Variants in GTF2H3 observed in about 807,000 individuals in gnomAD.
The protein encoded by GTF2H3 is TFIIH basal transcription factor complex p34 subunit.
Under a neutral mutation model 51.1 loss-of-function variants are expected in GTF2H3, and 42 were observed. That is an observed-to-expected ratio of 0.82 (90% CI 0.64 to 1.06). The LOEUF is 1.06. Among genes scored for constraint, GTF2H3 ranks in the 50% least tolerant of loss-of-function variants. The probability of loss-of-function intolerance (pLI) is 0.00; values close to 1 mark genes in which losing one functional copy is unlikely to be tolerated. For synonymous variants in GTF2H3, 123 were observed against 123.8 expected (o/e 0.99, Z 0.04); for missense variants, 326 against 366.1 (o/e 0.89, Z 0.89).
chr12:123,639,998 A>G (rs1313384580), intron 2 of GTF2H3: 2 of 455,704 alleles, frequency 4.4e-6, no homozygotes, highest in Non-Finnish European at 8.8e-6. Context: ...ACTTGGGACT[A>G]CAGGTGCGTA....
chr12:123,658,409 G>C (rs987589506), intron 9 of GTF2H3, among the ~76,000 whole-genome samples: 2 of 152,070 alleles, frequency 1.3e-5, no homozygotes, highest in African/African-American at 4.8e-5. Context: ...GTAGAGACAG[G>C]GTTTTATACT....
In GTF2H3 at chr12:123,656,718, A is replaced by G. The variant is rs567642200; in HGVS notation, c.615+894A>G. On this transcript the variant is annotated intron_variant, in intron 9 of 12. Transcript: ENST00000543341. Reference sequence around the variant, plus strand: ...GTGCAGTTCACTCAGCAACTCAAGCAAAAACCTGACTCTTCCTTGTCTCTT... The same window carrying G: ...GTGCAGTTCACTCAGCAACTCAAGCGAAAACCTGACTCTTCCTTGTCTCTT... Among the ~76,000 whole-genome samples the G allele has an allele frequency of 3.3e-5, 5 of 152,320 alleles. No individual in the cohort carries two copies. The South Asian group carries it at 1.0e-3, about 32-fold the overall frequency.
intron 1 of GTF2H3, among the ~76,000 whole-genome samples, chr12:123,635,342 G>A (rs11572918): frequency 0.024 from 3,580 of 152,218 alleles, 144 homozygotes; most frequent in African/African-American, 0.083. Context: ...AGGCCAAGGT[G>A]GGTGGATCAC....
At position 123,659,518 on chromosome 12, in the gene GTF2H3, T is replaced by C. The variant is rs1257380434; in HGVS notation, c.618T>C (p.Ala206=). The change falls in exon 10 of 13, where the codon GCT becomes GCC. Residue 206 remains alanine (A), a splice_region_variant and synonymous_variant. Transcript: ENST00000543341. ...LDSDSGLLQQ[A]CDITGGLYLK... ...AGCAAGCCGCCTGTGTCTTGCAGGC[T>C]TGTGACATCACGGGAGGACTGTACC... 1 of 1,614,062 alleles carries C rather than the reference T, an allele frequency of 6.2e-7. No individual in the cohort carries two copies. Among genetic ancestry groups the C allele is most frequent in the African/African-American group, 1.3e-5 (1 of 74,942 alleles).
At chr12:123,657,115 C>T (rs11057322) in intron 9 of GTF2H3, among the ~76,000 whole-genome samples, 10,881 of 151,726 alleles carry the variant, frequency 0.072, 550 homozygotes, top group African/African-American at 0.13. Flanking sequence ...CTCAGAACAG[C>T]TGTCAGAATG....
At chr12:123,653,920 A>G (rs1482006624) in intron 7 of GTF2H3, among the ~76,000 whole-genome samples, 1 of 152,222 alleles carries the variant, frequency 6.6e-6, no homozygotes, top group Non-Finnish European at 1.5e-5. Context: ...GGGTATCATC[A>G]GGGTATTGTT....
intron 1 of GTF2H3, among the ~76,000 whole-genome samples, chr12:123,638,869 C>T (rs1051733352): frequency 6.8e-6 from 1 of 148,038 alleles, no homozygotes; most frequent in Non-Finnish European, 1.5e-5. Flanking sequence ...GATCTCGGCT[C>T]ACTGCAAGCT....
intron 5 of GTF2H3, among the ~76,000 whole-genome samples, chr12:123,652,166 G>A (rs754884613): frequency 1.3e-5 from 2 of 152,196 alleles, no homozygotes; most frequent in Admixed American, 6.5e-5. Context: ...AGGAGGGGCA[G>A]TATTGAGTGA....
chr12:123,652,699 C>T lies in GTF2H3; in HGVS notation c.458-8C>T. 1 of 1,528,174 alleles carries T rather than the reference C, an allele frequency of 6.5e-7. No individual in the cohort carries two copies. The highest frequency in any genetic ancestry group is 8.9e-7 in the Non-Finnish European group (1 of 1,125,068). The allele number at this position is 1,528,174 out of a possible 1,614,324, so 94.7% of individuals were successfully genotyped here. The stretch of plus-strand genomic sequence containing the variant: ...GTTAAATTTTTTTCTGCTTTTTTCT[C>T]TTTGTAGACAATCAGGAAATGAAAT... On this transcript the variant is annotated splice_polypyrimidine_tract_variant and splice_region_variant and intron_variant, in intron 6 of 12. Coordinates refer to ENST00000543341, the MANE Select transcript of GTF2H3 (RefSeq NM_001516.5).
At chr12:123,637,765 A>C (rs1040628290) in intron 1 of GTF2H3, among the ~76,000 whole-genome samples, 12 of 151,086 alleles carry the variant, frequency 7.9e-5, no homozygotes, top group Non-Finnish European at 1.5e-5. Context: ...AGCCTCCCAA[A>C]GGGCTGGGAT....
rs550435771 is a variant in GTF2H3 at position 123,654,078 on chromosome 12, C to A, written c.487-846C>A. Among the ~76,000 whole-genome samples, 17 of 152,152 alleles carry A rather than the reference C, an allele frequency of 1.1e-4. 1 individual carries two copies. In the South Asian group the frequency reaches 3.5e-3, roughly 32 times the overall value. On this transcript the variant is annotated intron_variant, in intron 7 of 12. Coordinates refer to ENST00000543341, the MANE Select transcript of GTF2H3 (RefSeq NM_001516.5). ...AGCAGGTTGCAGAATGCTAAGTAATCATCTTGATACGTGTGAGTGTGTGTA... is the reference window on the plus strand; with the variant it reads ...AGCAGGTTGCAGAATGCTAAGTAATAATCTTGATACGTGTGAGTGTGTGTA...
intron 1 of GTF2H3, among the ~76,000 whole-genome samples, chr12:123,634,286 T>A (rs1435718072): frequency 6.6e-6 from 1 of 151,526 alleles, no homozygotes; most frequent in African/African-American, 2.4e-5. Context: ...ACAAAAAAAA[T>A]GAAATATTAG....
rs1955627208 is a variant in GTF2H3 at position 123,659,512 on chromosome 12, G to A, written c.616-4G>A. On this transcript the variant is annotated splice_region_variant and splice_polypyrimidine_tract_variant and intron_variant, in intron 9 of 12. Coordinates refer to ENST00000543341, the MANE Select transcript of GTF2H3 (RefSeq NM_001516.5). ...TTTGGCAGCAAGCCGCCTGTGTCTT[G>A]CAGGCTTGTGACATCACGGGAGGAC... 3 of 1,614,090 alleles carry A rather than the reference G, an allele frequency of 1.9e-6. No individual in the cohort carries two copies. Among genetic ancestry groups the A allele is most frequent in the Non-Finnish European group, 2.5e-6 (3 of 1,179,926 alleles).
At position 123,654,915 on chromosome 12, in the gene GTF2H3, G is replaced by C. The variant is rs187690342; in HGVS notation, c.487-9G>C. ...GCCTGGGTGGAATTAACATGACTGT[G>C]ATTTTTAGGTGATTAAGGCTGCAGA... On this transcript the variant is annotated splice_polypyrimidine_tract_variant and intron_variant, in intron 7 of 12. Coordinates refer to ENST00000543341, the MANE Select transcript of GTF2H3 (RefSeq NM_001516.5). 5.4e-5 allele frequency: 86 copies of C among 1,605,264 alleles called. No individual in the cohort carries two copies. The Admixed American group carries it at 1.4e-3, about 26-fold the overall frequency.
chr12:123,657,684 T>G (rs1363578062), intron 9 of GTF2H3, among the ~76,000 whole-genome samples: 2 of 152,260 alleles, frequency 1.3e-5, no homozygotes, highest in African/African-American at 2.4e-5. Context: ...CCTTCTCCAC[T>G]AGAACCTTAA....
At position 123,661,153 on chromosome 12, in the gene GTF2H3, A is replaced by G. The variant is rs1422110152; in HGVS notation, c.*918A>G. On this transcript the variant is annotated 3_prime_UTR_variant, in exon 13 of 13. Coordinates refer to ENST00000543341, the MANE Select transcript of GTF2H3 (RefSeq NM_001516.5). Reference sequence around the variant, plus strand: ...CTAAAAATTTAAATGTATTTATTAAAACTGTTCTCTAGAAGCTTTGGACTG... The same window carrying G: ...CTAAAAATTTAAATGTATTTATTAAGACTGTTCTCTAGAAGCTTTGGACTG... 6.6e-6 allele frequency: 1 copy of G among 152,162 alleles called. No homozygotes were observed. Among genetic ancestry groups the G allele is most frequent in the Admixed American group, 6.5e-5 (1 of 15,278 alleles). 9.4% of individuals were successfully genotyped at this position (152,162 alleles called of 1,614,324 possible). A position where few individuals can be genotyped will look rare whatever the true frequency, so the allele number is the denominator to read the frequency against.
Position 123,659,853 on chromosome 12 carries a change from A to C in GTF2H3, c.743A>C (p.His248Pro), listed in dbSNP as rs774036529. The change falls in exon 11 of 13, where the codon CAT becomes CCT. Residue 248 changes from histidine to proline, a missense_variant. Coordinates refer to ENST00000543341, the MANE Select transcript of GTF2H3 (RefSeq NM_001516.5). Reference sequence around the variant, plus strand: ...CAGTTAATCCTCCCACCCCCAGTTCATGTTGACTACAGGGCTGCTTGCTTC... The same window carrying C: ...CAGTTAATCCTCCCACCCCCAGTTCCTGTTGACTACAGGGCTGCTTGCTTC... ...RSQLILPPPV[H>P]VDYRAACFCH... 3 of 1,613,736 alleles carry C rather than the reference A, an allele frequency of 1.9e-6. No individual in the cohort carries two copies. In the South Asian group the frequency reaches 3.3e-5, roughly 18 times the overall value.
intron 9 of GTF2H3, among the ~76,000 whole-genome samples, chr12:123,656,369 A>G (rs1441877611): frequency 6.6e-6 from 1 of 152,198 alleles, no homozygotes; most frequent in Non-Finnish European, 1.5e-5. Context: ...TACATATTAT[A>G]TTTCAGTAGT....
chr12:123,636,733 C>T (rs113273857), intron 1 of GTF2H3, among the ~76,000 whole-genome samples: 3 of 152,308 alleles, frequency 2.0e-5, no homozygotes, highest in Admixed American at 6.5e-5. Flanking sequence ...GCCTAACCAA[C>T]GTGGAGAAAC....
Sources: allele counts gnomAD v4.1 joint callset (sites outside exome capture counted in the v4.1 genomes callset), GRCh38; gene constraint gnomAD v4.1.1; transcripts MANE v1.5; gene names NCBI Gene and HGNC (gene_info 2026-07-23, HGNC 2026-07-21).